RAB38: variants seen among roughly 807,000 people sequenced by gnomAD.
RAB38 encodes the protein RAB38, member RAS oncogene family, also known as ras-related protein Rab-38.
A neutral mutation model predicts 18.4 loss-of-function variants in RAB38; 15 were observed. That is an observed-to-expected ratio of 0.82 (90% CI 0.55 to 1.26). RAB38 has a LOEUF of 1.26. Ranked by LOEUF, RAB38 falls within the 50% of genes most tolerant of loss-of-function variation. The pLI is 0.00. For missense variants in RAB38, 294 were observed against 267.4 expected (o/e 1.10, Z -0.69); for synonymous variants, 101 against 104.4 (o/e 0.97, Z 0.20).
chr11:88,105,223 T>A, the RAB38 span, among the ~76,000 whole-genome samples: 1 of 152,190 alleles, frequency 6.6e-6, no homozygotes, highest in African/African-American at 2.4e-5. Context: ...AAAAAAGTAT[T>A]CATGTGCTTT....
chr11:88,075,593 A>G, the RAB38 span, among the ~76,000 whole-genome samples: 1 of 152,114 alleles, frequency 6.6e-6, no homozygotes, highest in East Asian at 1.9e-4. Context: ...AGATAGAAAA[A>G]CTTCCAGCCA....
chr11:88,121,714 C>A (rs1306918880), intron 2 of RAB38, among the ~76,000 whole-genome samples: 2 of 152,166 alleles, frequency 1.3e-5, no homozygotes, highest in African/African-American at 4.8e-5. Flanking sequence ...AGGCGCCCGC[C>A]GCCACGCCCA....
chr11:87,896,427 G>T, the RAB38 span, among the ~76,000 whole-genome samples: 1 of 151,578 alleles, frequency 6.6e-6, no homozygotes, highest in Non-Finnish European at 1.5e-5. Context: ...ACACATCTAG[G>T]AGAAAGAAAA....
At chr11:87,809,475 C>T in the RAB38 span, among the ~76,000 whole-genome samples, 2 of 152,202 alleles carry the variant, frequency 1.3e-5, no homozygotes, top group African/African-American at 4.8e-5. Flanking sequence ...GTCACGGTCT[C>T]TGACTTCTGC....
At chr11:87,902,262 TTAAG>T in the RAB38 span, among the ~76,000 whole-genome samples, 1 of 151,554 alleles carries the variant, frequency 6.6e-6, no homozygotes, top group Non-Finnish European at 1.5e-5. Context: ...TTTTAGTATA[TTAAG>T]TAAGGCACTG....
the RAB38 span, among the ~76,000 whole-genome samples, chr11:88,067,671 T>C: frequency 6.6e-6 from 1 of 152,106 alleles, no homozygotes; most frequent in Non-Finnish European, 1.5e-5. Flanking sequence ...CATGTTAGTC[T>C]AACTTCAAAT....
chr11:88,106,463 T>A, the RAB38 span, among the ~76,000 whole-genome samples: 1 of 152,184 alleles, frequency 6.6e-6, no homozygotes, highest in East Asian at 1.9e-4. Flanking sequence ...CACACTTTCA[T>A]AAAGTTTCTT....
chr11:87,949,853 G>A, the RAB38 span, among the ~76,000 whole-genome samples: 4 of 152,122 alleles, frequency 2.6e-5, no homozygotes, highest in Non-Finnish European at 1.5e-5. Context: ...GTGCTGAGAA[G>A]AATGTATATT....
chr11:87,869,077 C>A, the RAB38 span, among the ~76,000 whole-genome samples: 70 of 151,792 alleles, frequency 4.6e-4, no homozygotes, highest in African/African-American at 1.6e-3. Flanking sequence ...TTATCTTATT[C>A]TGGTATCAGA....
At chr11:87,825,448 C>G in the RAB38 span, among the ~76,000 whole-genome samples, 5 of 152,050 alleles carry the variant, frequency 3.3e-5, no homozygotes, top group African/African-American at 1.2e-4. Context: ...AGTCCCTCTT[C>G]TTGTCTCTTC....
the RAB38 span, among the ~76,000 whole-genome samples, chr11:87,823,676 A>C: frequency 6.6e-6 from 1 of 152,190 alleles, no homozygotes; most frequent in African/African-American, 2.4e-5. Context: ...TTTTTTTTCA[A>C]CAAATGGAAC....
chr11:87,884,842 G>C, the RAB38 span, among the ~76,000 whole-genome samples: 3 of 151,872 alleles, frequency 2.0e-5, no homozygotes, highest in Non-Finnish European at 4.4e-5. Context: ...CTGACCTACT[G>C]TATCAAGAAT....
At chr11:87,886,115 C>T in the RAB38 span, among the ~76,000 whole-genome samples, 4 of 151,906 alleles carry the variant, frequency 2.6e-5, no homozygotes. Flanking sequence ...TTTCTTTGTT[C>T]GATCACCAAT....
chr11:88,060,029 G>A, the RAB38 span, among the ~76,000 whole-genome samples: 1 of 152,172 alleles, frequency 6.6e-6, no homozygotes, highest in Admixed American at 6.5e-5. Flanking sequence ...CTGAGCTCAG[G>A]AAGCAAGTGG....
chr11:88,165,374 G>A (rs1943234619), intron 1 of RAB38, among the ~76,000 whole-genome samples: 1 of 152,052 alleles, frequency 6.6e-6, no homozygotes, highest in African/African-American at 2.4e-5. Context: ...CATCTCTATA[G>A]TAGGGTTAAT....
chr11:87,839,606 G>GA, the RAB38 span, among the ~76,000 whole-genome samples: 1 of 151,974 alleles, frequency 6.6e-6, no homozygotes, highest in Admixed American at 6.6e-5. Flanking sequence ...ACACATCAAA[G>GA]AAAAAACCAT....
the RAB38 span, among the ~76,000 whole-genome samples, chr11:88,016,998 G>T: frequency 6.6e-6 from 1 of 152,178 alleles, no homozygotes. Context: ...AATAGGGAAA[G>T]ATCAGACACT....
the RAB38 span, among the ~76,000 whole-genome samples, chr11:87,915,905 A>G: frequency 1.3e-5 from 2 of 152,106 alleles, no homozygotes; most frequent in African/African-American, 4.8e-5. Flanking sequence ...TGGGACGTGG[A>G]GTCAAAGATT....
At chr11:87,901,150 C>G in the RAB38 span, among the ~76,000 whole-genome samples, 35 of 151,634 alleles carry the variant, frequency 2.3e-4, no homozygotes, top group African/African-American at 8.2e-4. Context: ...TACTAGTTGT[C>G]CTGGTGTATG....
Sources: allele counts gnomAD v4.1 joint callset (sites outside exome capture counted in the v4.1 genomes callset), GRCh38; gene constraint gnomAD v4.1.1; transcripts MANE v1.5; gene names NCBI Gene and HGNC (gene_info 2026-07-23, HGNC 2026-07-21).